The following FAM169A variants were observed in gnomAD, a reference collection of about 807,000 sequenced individuals.
FAM169A encodes soluble lamin-associated protein of 75 kDa.
In FAM169A, 24 loss-of-function variants were observed where a neutral mutation model predicts 75.7. The ratio of observed to expected loss-of-function variants is 0.32; its 90% CI spans 0.23 to 0.45. The LOEUF is 0.45. Among genes scored for constraint, FAM169A ranks in the 20% least tolerant of loss-of-function variants. The pLI is 1.00. For synonymous variants in FAM169A, 271 were observed against 271.0 expected (o/e 1.00, Z 0.00); for missense variants, 673 against 784.0 (o/e 0.86, Z 1.69).
rs767281829 is a variant in FAM169A at position 74,805,216 on chromosome 5, G to C, written c.739C>G (p.His247Asp). ...GTGACTGGTATTCGCTGGTACCAGT[G>C]TCCAACACCTTCAACTTCCCAAAGG... is the stretch of plus-strand genomic sequence containing the variant. ...ELLWEVEGVG[H>D]WYQRIPVTRA... The change falls in exon 7 of 13, where the codon CAC becomes GAC. Residue 247 changes from histidine (H) to aspartate (D), a missense_variant. This residue lies in a region of FAM169A where 510 missense variants were observed against 550.9 expected (regional missense o/e 0.93). Transcript: ENST00000687041. 13 of 1,612,042 alleles carry C rather than the reference G, an allele frequency of 8.1e-6. No homozygotes were observed. The Admixed American group carries it at 2.2e-4, about 27-fold the overall frequency.
intron 5 of FAM169A, among the ~76,000 whole-genome samples, chr5:74,825,061 CAT>C (rs1416435841): frequency 3.3e-5 from 5 of 152,048 alleles, no homozygotes; most frequent in African/African-American, 1.2e-4. Context: ...ACAACTGAGC[CAT>C]ATAGTGTACC....
chr5:74,794,597 T>C (rs1746165086), intron 11 of FAM169A, among the ~76,000 whole-genome samples: 1 of 151,004 alleles, frequency 6.6e-6, no homozygotes, highest in African/African-American at 2.4e-5. Context: ...GCTAACACGG[T>C]GAAACCCCGT....
intron 6 of FAM169A, among the ~76,000 whole-genome samples, chr5:74,808,035 G>A (rs1052975358): frequency 2.0e-5 from 3 of 152,114 alleles, no homozygotes; most frequent in Non-Finnish European, 4.4e-5. Flanking sequence ...GGAGGAGGAG[G>A]TACAGCCACA....
At chr5:74,819,222 A>G (rs935282650) in intron 5 of FAM169A, among the ~76,000 whole-genome samples, 3 of 142,116 alleles carry the variant, frequency 2.1e-5, no homozygotes, top group African/African-American at 7.7e-5. Flanking sequence ...CGTCTCAAAG[A>G]AAAAAAAAAA....
chr5:74,798,539 C>T (rs1746394809), intron 10 of FAM169A, among the ~76,000 whole-genome samples: 1 of 152,088 alleles, frequency 6.6e-6, no homozygotes, highest in African/African-American at 2.4e-5. Context: ...TACTTTATTA[C>T]CCAAATTTAA....
intron 11 of FAM169A, among the ~76,000 whole-genome samples, chr5:74,788,086 G>C (rs1236949425): frequency 6.6e-6 from 1 of 152,176 alleles, no homozygotes; most frequent in African/African-American, 2.4e-5. Flanking sequence ...GAAATGATCA[G>C]ACATTTCAGG....
At chr5:74,784,785 G>A (rs1347351513) in intron 11 of FAM169A, among the ~76,000 whole-genome samples, 7 of 151,128 alleles carry the variant, frequency 4.6e-5, no homozygotes, top group African/African-American at 1.7e-4. Context: ...CGGGCGTGGT[G>A]GCAGGCGCCT....
chr5:74,811,297 T>A (rs1176594004), intron 6 of FAM169A, among the ~76,000 whole-genome samples: 2 of 152,170 alleles, frequency 1.3e-5, no homozygotes, highest in African/African-American at 4.8e-5. Flanking sequence ...CATCTGTAAA[T>A]CATTTGGTAT....
chr5:74,839,468 T>C (rs1411178399), intron 3 of FAM169A, among the ~76,000 whole-genome samples: 1 of 152,082 alleles, frequency 6.6e-6, no homozygotes, highest in African/African-American at 2.4e-5. Context: ...TCTGCCATGA[T>C]TGCAAGTTTC....
chr5:74,802,690 T>G (rs111485851), intron 8 of FAM169A, among the ~76,000 whole-genome samples: 171 of 152,298 alleles, frequency 1.1e-3, no homozygotes, highest in African/African-American at 3.9e-3. Flanking sequence ...TATCTTTATA[T>G]GTCCAATGCT....
intron 11 of FAM169A, among the ~76,000 whole-genome samples, chr5:74,790,249 C>T (rs149424196): frequency 6.6e-6 from 1 of 152,324 alleles, no homozygotes; most frequent in African/African-American, 2.4e-5. Flanking sequence ...GCATGATATG[C>T]AGGCACCACC....
chr5:74,821,132 T>C (rs1327416139), intron 5 of FAM169A, among the ~76,000 whole-genome samples: 1 of 152,242 alleles, frequency 6.6e-6, no homozygotes, highest in Non-Finnish European at 1.5e-5. Flanking sequence ...TATCATCTAC[T>C]TGTCCATTCA....
chr5:74,805,882 C>G (rs931317106), intron 6 of FAM169A, among the ~76,000 whole-genome samples: 1 of 147,076 alleles, frequency 6.8e-6, no homozygotes, highest in Non-Finnish European at 1.5e-5. Flanking sequence ...TTTAATGAAA[C>G]TTAACAAAAC....
intron 6 of FAM169A, among the ~76,000 whole-genome samples, chr5:74,812,043 C>G (rs899711936): frequency 2.6e-5 from 4 of 152,204 alleles, no homozygotes; most frequent in Non-Finnish European, 4.4e-5. Context: ...ACATAGAAGG[C>G]TTCGACCATA....
At chr5:74,838,581 T>C (rs1450370823) in intron 4 of FAM169A, among the ~76,000 whole-genome samples, 1 of 152,176 alleles carries the variant, frequency 6.6e-6, no homozygotes, top group African/African-American at 2.4e-5. Flanking sequence ...AGGAACACTA[T>C]ATAGACCACC....
At chr5:74,816,623 T>A (rs1747484761) in intron 5 of FAM169A, among the ~76,000 whole-genome samples, 1 of 152,156 alleles carries the variant, frequency 6.6e-6, no homozygotes, top group South Asian at 2.1e-4. Context: ...ACAAATGCAA[T>A]CAAATAAAGA....
intron 1 of FAM169A, among the ~76,000 whole-genome samples, chr5:74,845,146 T>C (rs967111403): frequency 6.6e-6 from 1 of 152,166 alleles, no homozygotes; most frequent in Non-Finnish European, 1.5e-5. Flanking sequence ...AGTATGTTTT[T>C]CTGAATTTTC....
At chr5:74,806,595 C>T (rs1421461291) in intron 6 of FAM169A, among the ~76,000 whole-genome samples, 2 of 152,168 alleles carry the variant, frequency 1.3e-5, no homozygotes, top group African/African-American at 4.8e-5. Context: ...TGATGATAGA[C>T]ATGTCCTATT....
intron 11 of FAM169A, among the ~76,000 whole-genome samples, chr5:74,788,577 T>C (rs1006684764): frequency 6.6e-6 from 1 of 152,014 alleles, no homozygotes; most frequent in African/African-American, 2.4e-5. Flanking sequence ...TGGTGGCACA[T>C]GCCTGTAATC....
Sources: gnomAD v4.1 joint callset for allele counts (sites outside exome capture counted in the v4.1 genomes callset) on GRCh38, gnomAD v4.1.1 for gene constraint, gnomAD v4.1.1 regional missense constraint, MANE v1.5 for transcripts, NCBI Gene and HGNC (gene_info 2026-07-23, HGNC 2026-07-21) for gene names.